The following NCOA2 variants were observed in gnomAD, a reference collection of about 807,000 sequenced individuals.
NCOA2 encodes class E basic helix-loop-helix protein 75.
In NCOA2, 21 loss-of-function variants were observed where a neutral mutation model predicts 145.1. The observed-to-expected ratio is 0.14, with a 90% CI of 0.10 to 0.21. The LOEUF (loss-of-function observed/expected upper bound fraction) is 0.21, where lower values mean the gene tolerates loss of function less well. NCOA2 is among the 10% of genes least tolerant of loss of function. NCOA2 has a pLI of 1.00. For synonymous variants in NCOA2, 619 were observed against 637.5 expected (o/e 0.97, Z 0.44); for missense variants, 1,472 against 1,837.6 (o/e 0.80, Z 3.64).
rs1374581569 is a variant in NCOA2, at chr8:70,159,608, A to G, written c.1021T>C (p.Leu341=). The G allele has an allele frequency of 6.2e-6, 10 of 1,613,010 alleles. No individual in the cohort carries two copies. Among genetic ancestry groups the G allele is most frequent in the Non-Finnish European group, 8.5e-6 (10 of 1,179,070 alleles). The change falls in exon 10 of 23, where the codon TTG becomes CTG. Residue 341 remains leucine (L), a synonymous_variant. Transcript: ENST00000452400. ...LAFSQIYRFS[L]SDGTLVAAQT... ...GCAGCAACAAGAGTGCCATCAGACA[A>G]GGAAAAACGATAGATTTGACTGAAT...
intron 2 of NCOA2, among the ~76,000 whole-genome samples, chr8:70,217,960 T>C (rs890036449): frequency 1.3e-5 from 2 of 151,056 alleles, no homozygotes; most frequent in African/African-American, 4.9e-5. Flanking sequence ...TCTTTTCTTT[T>C]CTGGATAGAA....
chr8:70,292,748 G>C (rs1002824188), intron 2 of NCOA2, among the ~76,000 whole-genome samples: 3 of 152,230 alleles, frequency 2.0e-5, no homozygotes, highest in African/African-American at 7.2e-5. Context: ...AGAGAGAAAG[G>C]AGAGTTAATG....
chr8:70,306,548 C>G (rs1195935297), intron 1 of NCOA2, among the ~76,000 whole-genome samples: 8 of 152,052 alleles, frequency 5.3e-5, no homozygotes, highest in Non-Finnish European at 8.8e-5. Context: ...CAGGAGCTAC[C>G]TTTTGTTATG....
chr8:70,155,081 A>G (rs1212945427), intron 11 of NCOA2, among the ~76,000 whole-genome samples: 4 of 152,224 alleles, frequency 2.6e-5, no homozygotes, highest in African/African-American at 4.8e-5. Context: ...ATTATTTTGA[A>G]TATCACTTAA....
At chr8:70,220,220 T>C (rs1477280323) in intron 2 of NCOA2, among the ~76,000 whole-genome samples, 2 of 152,234 alleles carry the variant, frequency 1.3e-5, no homozygotes, top group Non-Finnish European at 2.9e-5. Context: ...AATAGTTTCT[T>C]ATAATTTCTG....
chr8:70,348,254 A>G (rs989277462), intron 1 of NCOA2, among the ~76,000 whole-genome samples: 6 of 152,238 alleles, frequency 3.9e-5, no homozygotes, highest in Admixed American at 6.5e-5. Flanking sequence ...CCTGAAGAGC[A>G]AACAGCTGAG....
intron 1 of NCOA2, among the ~76,000 whole-genome samples, chr8:70,384,542 CTAAGTCCAACACTTA>C (rs1442796795): frequency 6.6e-6 from 1 of 152,192 alleles, no homozygotes; most frequent in Admixed American, 6.5e-5. Flanking sequence ...CTGTCCACTT[CTAAGTCCAACACTTA>C]GATACATCAA....
chr8:70,296,770 C>G lies in NCOA2; in HGVS notation c.-46G>C, dbSNP rs1457184757. ...TGTGCCTGTAAACAGTGCAGAAGAT[C>G]TATAAGTGTGTAGCCAAATCCAAGA... On this transcript the variant is annotated 5_prime_UTR_variant, in exon 2 of 23. Transcript: ENST00000452400. 6.6e-6 allele frequency: 1 copy of G among 152,130 alleles called. No individual in the cohort carries two copies. Among genetic ancestry groups the G allele is most frequent in the Non-Finnish European group, 1.5e-5 (1 of 68,014 alleles). The allele number at this position is 152,130 out of a possible 1,614,324, so 9.4% of individuals were successfully genotyped here. A position where few individuals can be genotyped will look rare whatever the true frequency, so the allele number is the denominator to read the frequency against.
In NCOA2 at chr8:70,156,362, G is replaced by C. The variant is rs1395558556; in HGVS notation, c.2003C>G (p.Ser668Cys). Residue 668 changes from serine (S) to cysteine (C), a missense_variant, in exon 11 of 23, where the codon TCC (serine) becomes TGC (cysteine). Ser to Cys is a moderately radical substitution (Grantham distance 112). Coordinates refer to ENST00000452400, the MANE Select transcript of NCOA2 (RefSeq NM_006540.4). ...ASSLSDTNKDSTGSLPGSGST... is the reference protein window; with the variant it reads ...ASSLSDTNKDCTGSLPGSGST... ...CCCAGAACCAGGCAAGCTACCTGTG[G>C]AGTCTTTGTTTGTATCCGACAAAGA... The C allele has an allele frequency of 3.7e-6, 6 of 1,613,918 alleles. No individual in the cohort carries two copies. Among genetic ancestry groups the C allele is most frequent in the Non-Finnish European group, 5.1e-6 (6 of 1,179,890 alleles).
At chr8:70,360,372 A>G (rs927955101) in intron 1 of NCOA2, among the ~76,000 whole-genome samples, 2 of 152,232 alleles carry the variant, frequency 1.3e-5, no homozygotes, top group Admixed American at 6.5e-5. Flanking sequence ...AAGTTAGTGA[A>G]GTCCCAAGAC....
chr8:70,204,450 A>C (rs1411557813), intron 4 of NCOA2, among the ~76,000 whole-genome samples: 1 of 152,224 alleles, frequency 6.6e-6, no homozygotes, highest in Non-Finnish European at 1.5e-5. Flanking sequence ...ATGTTAATGC[A>C]CTATCAGGAG....
chr8:70,430,715 A>G, the NCOA2 span, among the ~76,000 whole-genome samples: 1 of 152,162 alleles, frequency 6.6e-6, no homozygotes, highest in East Asian at 1.9e-4. Flanking sequence ...TCTTAACTGG[A>G]AGGTAAAGTA....
chr8:70,138,156 C>T (rs762022833), intron 15 of NCOA2, 47 bp downstream of exon 15: 1 of 1,572,678 alleles, frequency 6.4e-7, no homozygotes, highest in Admixed American at 2.0e-5. Context: ...AGATTAATTT[C>T]TGGACAGGTA....
intron 1 of NCOA2, among the ~76,000 whole-genome samples, chr8:70,344,484 T>C (rs1808429079): frequency 6.6e-6 from 1 of 152,220 alleles, no homozygotes; most frequent in African/African-American, 2.4e-5. Context: ...CGCTACAAAA[T>C]AGAACACAGC....
intron 11 of NCOA2, among the ~76,000 whole-genome samples, chr8:70,153,223 C>A (rs1811940068): frequency 6.6e-6 from 1 of 152,186 alleles, no homozygotes; most frequent in South Asian, 2.1e-4. Flanking sequence ...AATATACTTA[C>A]TATATGTGCC....
rs1457880595 is a variant in NCOA2 at position 70,319,359 on chromosome 8, T to C, written c.-76-22559A>G. On this transcript the variant is annotated intron_variant, in intron 1 of 22. Transcript: ENST00000452400. The stretch of plus-strand genomic sequence containing the variant: ...GGGTTCGACACCAGCCTGAGCAACA[T>C]AGTGAAACCCTGACTCTACAAAAAA... Among the ~76,000 whole-genome samples the C allele has an allele frequency of 3.3e-5, 5 of 151,614 alleles. No homozygotes were observed. The South Asian group carries it at 8.3e-4, about 25-fold the overall frequency.
the NCOA2 span, among the ~76,000 whole-genome samples, chr8:70,409,584 C>G: frequency 0.01 from 1,529 of 152,228 alleles, 35 homozygotes; most frequent in African/African-American, 0.035. Context: ...AACTATAAAG[C>G]TCCTAGAAGA....
intron 14 of NCOA2, among the ~76,000 whole-genome samples, chr8:70,140,370 A>C (rs1327104688): frequency 2.0e-5 from 3 of 152,138 alleles, no homozygotes; most frequent in Non-Finnish European, 4.4e-5. Flanking sequence ...GTATCATATG[A>C]TGTATCAGAC....
At chr8:70,449,552 G>A in the NCOA2 span, among the ~76,000 whole-genome samples, 1 of 152,214 alleles carries the variant, frequency 6.6e-6, no homozygotes, top group Non-Finnish European at 1.5e-5. Context: ...GAGCTGGCAG[G>A]ATCAGGGAAC....
Sources: allele counts gnomAD v4.1 joint callset (sites outside exome capture counted in the v4.1 genomes callset), GRCh38; gene constraint gnomAD v4.1.1; transcripts MANE v1.5; gene names NCBI Gene and HGNC (gene_info 2026-07-23, HGNC 2026-07-21).